The following AMN1 variants were observed in gnomAD, a reference collection of about 807,000 sequenced individuals.
The protein encoded by AMN1 is protein AMN1 homolog.
AMN1 carries 20 observed loss-of-function variants against 33.0 expected under a neutral mutation model. The observed-to-expected ratio is 0.61, with a 90% confidence interval of 0.43 to 0.88. The LOEUF is 0.88. Ranked by LOEUF, AMN1 falls within the 40% of genes least tolerant of loss-of-function variation. The probability of loss-of-function intolerance (pLI) is 0.00; values close to 1 mark genes in which losing one functional copy is unlikely to be tolerated. For missense variants in AMN1, 246 were observed against 307.4 expected (o/e 0.80, Z 1.49); for synonymous variants, 114 against 111.9 (o/e 1.02, Z -0.12).
intron 5 of AMN1, among the ~76,000 whole-genome samples, chr12:31,695,350 T>C (rs953190605): frequency 9.2e-5 from 14 of 152,184 alleles, no homozygotes; most frequent in African/African-American, 3.4e-4. Flanking sequence ...GCAGTTAGTA[T>C]ACAGCCTGGC....
Position 31,726,084 on chromosome 12 carries a change from C to T in AMN1, c.38+2887G>A, listed in dbSNP as rs140964148. Reference sequence around the variant, plus strand: ...ACTGGATATTCTGATTCATTTTCCCCGTAAGACACTTCTTCCTCCATAATA... The same window carrying T: ...ACTGGATATTCTGATTCATTTTCCCTGTAAGACACTTCTTCCTCCATAATA... On this transcript the variant is annotated intron_variant, in intron 1 of 6. Transcript: ENST00000281471. 2.0e-4 allele frequency among the ~76,000 whole-genome samples: 30 copies of T among 152,218 alleles called. No homozygotes were observed. The East Asian group carries it at 5.2e-3, about 26-fold the overall frequency.
At chr12:31,714,033 A>G (rs973847072) in intron 1 of AMN1, among the ~76,000 whole-genome samples, 3 of 152,084 alleles carry the variant, frequency 2.0e-5, no homozygotes, top group African/African-American at 7.2e-5. Flanking sequence ...ATTGATTTTT[A>G]AAATATAAAT....
At position 31,675,639 on chromosome 12, in the gene AMN1, C is replaced by T. The variant is rs916482790; in HGVS notation, c.704-3262G>A. Among the ~76,000 whole-genome samples the T allele has an allele frequency of 5.3e-5, 8 of 151,398 alleles. No individual in the cohort carries two copies. The East Asian group carries it at 9.7e-4, about 18-fold the overall frequency. ...CCTCCCGAGTAGCTGGGATTACAGG[C>T]GCCCGCAACCACGCCCAGCTAATTT... is the stretch of plus-strand genomic sequence containing the variant. On this transcript the variant is annotated intron_variant, in intron 6 of 6. Coordinates refer to ENST00000281471, the MANE Select transcript of AMN1 (RefSeq NM_001113402.2).
intron 1 of AMN1, among the ~76,000 whole-genome samples, chr12:31,727,875 G>A (rs1274887620): frequency 6.6e-6 from 1 of 152,242 alleles, no homozygotes; most frequent in Non-Finnish European, 1.5e-5. Context: ...TGGGACTACC[G>A]GCGCCACTAC....
intron 1 of AMN1, chr12:31,715,505 C>G (rs1939638423): frequency 5.6e-6 from 1 of 177,194 alleles, no homozygotes; most frequent in Non-Finnish European, 1.2e-5. Flanking sequence ...TCTGCTATTT[C>G]ACTGAAGCTG....
At chr12:31,697,261 C>T (rs1240285933) in intron 5 of AMN1, 100 bp downstream of exon 5, 9 of 978,374 alleles carry the variant, frequency 9.2e-6, no homozygotes, top group African/African-American at 3.3e-5. Flanking sequence ...CCCTAAAATA[C>T]GTAATTGATA....
chr12:31,690,958 AC>A (rs1264539110), intron 5 of AMN1, among the ~76,000 whole-genome samples: 2 of 151,842 alleles, frequency 1.3e-5, no homozygotes, highest in East Asian at 3.9e-4. Flanking sequence ...ACATGGTGAA[AC>A]CCCCCGTCTC....
In AMN1 at chr12:31,697,232, G is replaced by C. The variant is rs1215593784; in HGVS notation, c.591+129C>G. 3 of 636,800 alleles carry C rather than the reference G, an allele frequency of 4.7e-6. No individual in the cohort carries two copies. In the East Asian group the frequency reaches 8.7e-5, roughly 18 times the overall value. 39.4% of individuals were successfully genotyped at this position (636,800 alleles called of 1,614,324 possible). A position where few individuals can be genotyped will look rare whatever the true frequency, so the allele number is the denominator to read the frequency against. On this transcript the variant is annotated intron_variant, in intron 5 of 6. Coordinates refer to ENST00000281471, the MANE Select transcript of AMN1 (RefSeq NM_001113402.2). The stretch of plus-strand genomic sequence containing the variant: ...TATTTACTCTGGCAATAAAGAGATA[G>C]AACACCCACCAACAAAGTCCCTAAA...
intron 6 of AMN1, among the ~76,000 whole-genome samples, chr12:31,682,812 C>T (rs746396127): frequency 2.0e-5 from 3 of 152,114 alleles, no homozygotes; most frequent in Non-Finnish European, 4.4e-5. Flanking sequence ...GTAACGGTAA[C>T]ACCTAGTCCA....
intron 1 of AMN1, among the ~76,000 whole-genome samples, chr12:31,712,482 G>A (rs1429377634): frequency 1.3e-5 from 2 of 152,108 alleles, no homozygotes; most frequent in African/African-American, 4.8e-5. Context: ...TCTTGACCTC[G>A]TGATCTGCCT....
At chr12:31,685,855 AT>A (rs59397681) in intron 6 of AMN1, among the ~76,000 whole-genome samples, 4,263 of 142,480 alleles carry the variant, frequency 0.03, 68 homozygotes, top group Middle Eastern at 0.056. Flanking sequence ...ATTTGTTATT[AT>A]TTTTTTTTTT....
rs11836739 is a variant in AMN1, at chr12:31,726,678, C to T, written c.38+2293G>A. On this transcript the variant is annotated intron_variant, in intron 1 of 6. Transcript: ENST00000281471. ...CTTAGTGACACACTTAATTACTAGT[C>T]TGGCTCAAGCTTCTTACTTTGTTAC... 9.6e-3 allele frequency among the ~76,000 whole-genome samples: 1,470 copies of T among 152,338 alleles called. 24 individuals are homozygous for T. Among genetic ancestry groups the T allele is most frequent in the African/African-American group, 0.033 (1,380 of 41,568 alleles).
chr12:31,696,250 A>T (rs4931545), intron 5 of AMN1, among the ~76,000 whole-genome samples: 48,110 of 148,148 alleles, frequency 0.32, 8,513 homozygotes, highest in Non-Finnish European at 0.4. Flanking sequence ...ATAAATAAAT[A>T]AATTAATTAA....
At chr12:31,702,863 A>G (rs535922803) in intron 2 of AMN1, among the ~76,000 whole-genome samples, 3 of 152,110 alleles carry the variant, frequency 2.0e-5, no homozygotes, top group African/African-American at 7.2e-5. Context: ...TCAGCCTCCC[A>G]GTAGCTGGGA....
chr12:31,678,477 A>C (rs1592146477), intron 6 of AMN1, among the ~76,000 whole-genome samples: 1 of 151,706 alleles, frequency 6.6e-6, no homozygotes. Context: ...GCTCACTGCA[A>C]CCTCCGTCTC....
intron 5 of AMN1, among the ~76,000 whole-genome samples, chr12:31,696,856 G>T (rs1435243614): frequency 3.3e-5 from 5 of 151,710 alleles, no homozygotes; most frequent in Non-Finnish European, 7.4e-5. Flanking sequence ...GGGAGGTGGA[G>T]GTTCCAGTGA....
intron 2 of AMN1, chr12:31,708,950 G>A: frequency 2.5e-6 from 1 of 392,772 alleles, no homozygotes; most frequent in South Asian, 1.9e-5. Flanking sequence ...GGCTGAGGCG[G>A]ATGGATCACT....
intron 5 of AMN1, among the ~76,000 whole-genome samples, chr12:31,692,214 T>C (rs1296917619): frequency 6.6e-6 from 1 of 151,428 alleles, no homozygotes; most frequent in East Asian, 2.0e-4. Context: ...TCCAGCACTT[T>C]GGGAGGCCAA....
rs74611553 is a variant in AMN1 at position 31,695,816 on chromosome 12, A to T, written c.591+1545T>A. 8.4e-3 allele frequency among the ~76,000 whole-genome samples: 1,285 copies of T among 152,170 alleles called. 18 individuals are homozygous for T. The highest frequency in any genetic ancestry group is 0.029 in the African/African-American group (1,207 of 41,520). On this transcript the variant is annotated intron_variant, in intron 5 of 6. Transcript: ENST00000281471. Reference sequence around the variant, plus strand: ...ATGGTAATTTCTTAATAAAATATTTAAAAAATATATATGCTACCAAGACCC... The same window carrying T: ...ATGGTAATTTCTTAATAAAATATTTTAAAAATATATATGCTACCAAGACCC...
Sources: gnomAD v4.1 joint callset for allele counts (sites outside exome capture counted in the v4.1 genomes callset) on GRCh38, gnomAD v4.1.1 for gene constraint, MANE v1.5 for transcripts, NCBI Gene and HGNC (gene_info 2026-07-23, HGNC 2026-07-21) for gene names.